The following AGAP1 variants were observed in gnomAD, a reference collection of about 807,000 sequenced individuals.
AGAP1 encodes the protein arf-GAP with GTPase, ANK repeat and PH domain-containing protein 1.
A neutral mutation model predicts 105.3 loss-of-function variants in AGAP1; 29 were observed. That is an observed-to-expected ratio of 0.28 (90% CI 0.21 to 0.38). The LOEUF is 0.38. Among genes scored for constraint, AGAP1 ranks in the 10% least tolerant of loss-of-function variants. AGAP1 has a pLI of 1.00. For missense variants in AGAP1, 998 were observed against 1,165.1 expected (o/e 0.86, Z 2.09); for synonymous variants, 509 against 485.9 (o/e 1.05, Z -0.63).
rs993978023 is a variant in AGAP1, at chr2:235,614,441, G to A, written c.164-94738G>A. Among the ~76,000 whole-genome samples, 1 of 152,266 alleles carries A rather than the reference G, an allele frequency of 6.6e-6. No homozygotes were observed. The highest frequency in any genetic ancestry group is 2.1e-4 in the South Asian group (1 of 4,816). On this transcript the variant is annotated intron_variant, in intron 1 of 17. Coordinates refer to ENST00000304032, the MANE Select transcript of AGAP1 (RefSeq NM_001037131.3). This position sits in a 1 kb window ranked among gnomAD's most constrained non-coding sequence, Gnocchi z 4.7. ...GCAAACGGCCTGTGATGGGCTGGAT[G>A]TATTTGGGGAGGGAAGAAGGCAGTT...
At chr2:236,097,326 C>T (rs937157363) in intron 16 of AGAP1, among the ~76,000 whole-genome samples, 4 of 134,500 alleles carry the variant, frequency 3.0e-5, no homozygotes, top group Non-Finnish European at 6.2e-5. Flanking sequence ...GCACCAGATT[C>T]TGGATTTTTT....
chr2:235,551,982 T>C lies in AGAP1; in HGVS notation c.163+57133T>C, dbSNP rs897709971. 3.3e-5 allele frequency among the ~76,000 whole-genome samples: 5 copies of C among 152,230 alleles called. No individual in the cohort carries two copies. The East Asian group carries it at 9.6e-4, about 29-fold the overall frequency. On this transcript the variant is annotated intron_variant, in intron 1 of 17. Transcript: ENST00000304032. This position sits in a 1 kb window ranked among gnomAD's most constrained non-coding sequence, Gnocchi z 4.8. ...TTAAAAAGGAAGTTCACAAGATTTC[T>C]TGAAAGAACTCTAGTTGGAGTTGTA...
chr2:235,699,586 C>T (rs1019498833), intron 1 of AGAP1, among the ~76,000 whole-genome samples: 12 of 152,134 alleles, frequency 7.9e-5, no homozygotes, highest in Non-Finnish European at 1.6e-4. Flanking sequence ...GAAATGCCCT[C>T]CAAAAAGTGA....
intron 13 of AGAP1, among the ~76,000 whole-genome samples, chr2:236,016,172 G>A (rs2056696049): frequency 1.3e-5 from 2 of 151,834 alleles, no homozygotes; most frequent in African/African-American, 4.8e-5. Flanking sequence ...AGTGGAGCTT[G>A]GCCTCATTGG....
Position 235,788,013 on chromosome 2 carries a change from T to C in AGAP1, c.674-9746T>C, listed in dbSNP as rs1252456070. Among the ~76,000 whole-genome samples, 1 of 152,188 alleles carries C rather than the reference T, an allele frequency of 6.6e-6. No individual in the cohort carries two copies. Among genetic ancestry groups the C allele is most frequent in the East Asian group, 1.9e-4 (1 of 5,192 alleles). The stretch of plus-strand genomic sequence containing the variant: ...GGACCAAGAGTTTGACCAAGTATTA[T>C]ACATTCTGGGACCTTCCTAGGCCAT... On this transcript the variant is annotated intron_variant, in intron 6 of 17. Coordinates refer to ENST00000304032, the MANE Select transcript of AGAP1 (RefSeq NM_001037131.3). This position sits in a 1 kb window ranked among gnomAD's most constrained non-coding sequence, Gnocchi z 6.0.
At position 235,535,017 on chromosome 2, in the gene AGAP1, A is replaced by T. The variant is rs961964127; in HGVS notation, c.163+40168A>T. Among the ~76,000 whole-genome samples the T allele has an allele frequency of 1.2e-4, 18 of 152,074 alleles. No homozygotes were observed. Among genetic ancestry groups the T allele is most frequent in the Non-Finnish European group, 2.2e-4 (15 of 68,010 alleles). On this transcript the variant is annotated intron_variant, in intron 1 of 17. Transcript: ENST00000304032. This position sits in a 1 kb window ranked among gnomAD's most constrained non-coding sequence, Gnocchi z 5.1. ...AGCCCAGGATGCTTTTTTCCTCCAA[A>T]TGCCTCTCACCTATTCCCAGATACT...
intron 6 of AGAP1, among the ~76,000 whole-genome samples, chr2:235,797,261 G>A (rs1230062309): frequency 6.6e-6 from 1 of 152,148 alleles, no homozygotes; most frequent in Non-Finnish European, 1.5e-5. Context: ...AGATAGGTGT[G>A]TATTTTTTTG....
At chr2:235,688,320 G>A (rs975479874) in intron 1 of AGAP1, among the ~76,000 whole-genome samples, 1 of 152,146 alleles carries the variant, frequency 6.6e-6, no homozygotes, top group African/African-American at 2.4e-5. Flanking sequence ...GAGGTCTGTG[G>A]TGTCTGTTTG....
intron 1 of AGAP1, among the ~76,000 whole-genome samples, chr2:235,520,769 A>G (rs936912643): frequency 2.6e-5 from 4 of 152,240 alleles, no homozygotes; most frequent in Non-Finnish European, 4.4e-5. Context: ...TCGTAAAAAT[A>G]ACAAGTTTTG....
At chr2:235,812,219 C>T (rs1958183882) in intron 9 of AGAP1, among the ~76,000 whole-genome samples, 1 of 152,170 alleles carries the variant, frequency 6.6e-6, no homozygotes, top group Non-Finnish European at 1.5e-5. Flanking sequence ...TCATGGCCAC[C>T]TCCAGGGAGT....
Position 236,105,550 on chromosome 2 carries a change from CTTTTTTT to C in AGAP1, c.2115-14625_2115-14619del, listed in dbSNP as rs71039711. On this transcript the variant is annotated intron_variant, in intron 16 of 17. Transcript: ENST00000304032. The surrounding 1 kb of genome is among the most constrained non-coding windows in gnomAD (Gnocchi z 4.2). The stretch of plus-strand genomic sequence containing the variant: ...GAGAGGAGAGGGGCATCTCTCGTGT[CTTTTTTT>C]TTTTTTTTTTTTTTTTGAGACACAG... Among the ~76,000 whole-genome samples, 1 of 81,312 alleles carries C rather than the reference CTTTTTTT, an allele frequency of 1.2e-5. No individual in the cohort carries two copies. Among genetic ancestry groups the C allele is most frequent in the African/African-American group, 5.7e-5 (1 of 17,484 alleles). The allele number at this position is 81,312 out of a possible 152,430, so 53.3% of individuals were successfully genotyped here. A position where few individuals can be genotyped will look rare whatever the true frequency, so the allele number is the denominator to read the frequency against.
intron 10 of AGAP1, among the ~76,000 whole-genome samples, chr2:235,898,401 T>A (rs1334915155): frequency 1.2e-4 from 17 of 141,566 alleles, no homozygotes; most frequent in African/African-American, 3.4e-4. Flanking sequence ...CTCCCCCATT[T>A]AAAAAAAAAA....
At position 236,062,054 on chromosome 2, in the gene AGAP1, G is replaced by C. The variant is rs1176772562; in HGVS notation, c.2114+12773G>C. ...CCTCAGGCCTGGGGAGTAGAGCTCT[G>C]AGCAGGATGTGCACTGCAGCCAAAT... On this transcript the variant is annotated intron_variant, in intron 16 of 17. Transcript: ENST00000304032. The surrounding 1 kb of genome is among the most constrained non-coding windows in gnomAD (Gnocchi z 4.2). 6.6e-6 allele frequency among the ~76,000 whole-genome samples: 1 copy of C among 152,096 alleles called. No homozygotes were observed.
intron 1 of AGAP1, among the ~76,000 whole-genome samples, chr2:235,520,911 A>G (rs1455864618): frequency 1.3e-5 from 2 of 152,138 alleles, no homozygotes; most frequent in Non-Finnish European, 2.9e-5. Context: ...TGCGTGTGGA[A>G]GCATTTCAGG....
intron 9 of AGAP1, among the ~76,000 whole-genome samples, chr2:235,827,275 C>G (rs986992533): frequency 6.6e-6 from 1 of 152,132 alleles, no homozygotes; most frequent in Non-Finnish European, 1.5e-5. Flanking sequence ...GAAATTGATT[C>G]TCCACGCAGA....
Position 235,631,548 on chromosome 2 carries a change from A to T in AGAP1, c.164-77631A>T, listed in dbSNP as rs1275531672. Among the ~76,000 whole-genome samples, 2 of 152,220 alleles carry T rather than the reference A, an allele frequency of 1.3e-5. No individual in the cohort carries two copies. The highest frequency in any genetic ancestry group is 2.9e-5 in the Non-Finnish European group (2 of 68,038). Reference sequence around the variant, plus strand: ...AAGGCCCCTCCTTGTGAAGATGGACACTGAGGGCACCCTTCCTAGAGGACC... The same window carrying T: ...AAGGCCCCTCCTTGTGAAGATGGACTCTGAGGGCACCCTTCCTAGAGGACC... On this transcript the variant is annotated intron_variant, in intron 1 of 17. Coordinates refer to ENST00000304032, the MANE Select transcript of AGAP1 (RefSeq NM_001037131.3). This position sits in a 1 kb window ranked among gnomAD's most constrained non-coding sequence, Gnocchi z 5.4.
At chr2:235,797,674 T>A in intron 6 of AGAP1, 85 bp from the exon 7 acceptor site, 1 of 1,536,374 alleles carries the variant, frequency 6.5e-7, no homozygotes, top group Non-Finnish European at 8.9e-7. Flanking sequence ...ATAACAGATT[T>A]CGACAACAGA....
At chr2:235,812,121 G>A (rs768949415) in intron 9 of AGAP1, among the ~76,000 whole-genome samples, 1 of 152,146 alleles carries the variant, frequency 6.6e-6, no homozygotes, top group African/African-American at 2.4e-5. Context: ...GCTCCCTTTT[G>A]TGATGCTCGG....
chr2:235,648,518 G>C (rs751690909), intron 1 of AGAP1, among the ~76,000 whole-genome samples: 7 of 152,016 alleles, frequency 4.6e-5, no homozygotes, highest in Admixed American at 2.0e-4. Context: ...GTGGAAAGAG[G>C]GTTTTCTATT....
Sources: gnomAD v4.1 joint callset for allele counts (sites outside exome capture counted in the v4.1 genomes callset) on GRCh38, gnomAD v4.1.1 for gene constraint, Gnocchi (gnomAD v3.1) non-coding constraint, MANE v1.5 for transcripts, NCBI Gene and HGNC (gene_info 2026-07-23, HGNC 2026-07-21) for gene names.